The following HIVEP3 variants were observed in gnomAD, a reference collection of about 807,000 sequenced individuals.
HIVEP3 encodes the protein transcription factor HIVEP3.
A neutral mutation model predicts 152.8 loss-of-function variants in HIVEP3; 49 were observed. The observed-to-expected ratio is 0.32, with a 90% confidence interval of 0.26 to 0.41. HIVEP3 has a LOEUF of 0.41. Ranked by LOEUF, HIVEP3 falls within the 10% of genes least tolerant of loss-of-function variation. The pLI, the probability that HIVEP3 is intolerant of heterozygous loss-of-function variation, is 1.00. For missense variants in HIVEP3, 2,790 were observed against 3,103.3 expected, an observed-to-expected ratio of 0.90 and a Z score of 2.40; for synonymous variants, 1,269 against 1,289.0, an observed-to-expected ratio of 0.98 and a Z score of 0.33.
intron 1 of HIVEP3, among the ~76,000 whole-genome samples, chr1:41,936,439 T>C (rs1194052724): frequency 6.6e-6 from 1 of 152,214 alleles, no homozygotes; most frequent in Non-Finnish European, 1.5e-5. Flanking sequence ...AACACACCAC[T>C]GAGCTTTTGT....
intron 6 of HIVEP3, among the ~76,000 whole-genome samples, chr1:41,524,493 C>T (rs912648361): frequency 4.6e-5 from 7 of 152,112 alleles, no homozygotes; most frequent in African/African-American, 1.7e-4. Flanking sequence ...GGCCGGGTGG[C>T]CACAGGTGCA....
At chr1:41,523,206 G>A (rs1274329462) in intron 6 of HIVEP3, among the ~76,000 whole-genome samples, 1 of 152,256 alleles carries the variant, frequency 6.6e-6, no homozygotes, top group African/African-American at 2.4e-5. Flanking sequence ...AGTGCGGTTG[G>A]AGGGCGTGTC....
At chr1:41,550,514 T>C (rs933835854) in intron 5 of HIVEP3, among the ~76,000 whole-genome samples, 2 of 152,202 alleles carry the variant, frequency 1.3e-5, no homozygotes, top group Admixed American at 6.5e-5. Context: ...CATGAAATGG[T>C]CTTCCATTTG....
At position 41,724,887 on chromosome 1, in the gene HIVEP3, G is replaced by A. The variant is rs533410732; in HGVS notation, c.-800-23892C>T. Among the ~76,000 whole-genome samples, 284 of 152,368 alleles carry A rather than the reference G, an allele frequency of 1.9e-3. 1 individual carries two copies. Among genetic ancestry groups the A allele is most frequent in the African/African-American group, 6.7e-3 (279 of 41,586 alleles). The stretch of plus-strand genomic sequence containing the variant: ...TCCGGCTGGGGCTCAGCAGAAGCCT[G>A]TGAATGACTCCGGTTGTGCTCTCAC... On this transcript the variant is annotated intron_variant, in intron 1 of 8. Transcript: ENST00000372583.
At chr1:41,714,268 G>C (rs1227033234) in intron 1 of HIVEP3, among the ~76,000 whole-genome samples, 1 of 152,188 alleles carries the variant, frequency 6.6e-6, no homozygotes, top group Non-Finnish European at 1.5e-5. Flanking sequence ...AAAAGAGAGA[G>C]GGAGGTGGGG....
chr1:41,898,294 C>T (rs973918318), intron 1 of HIVEP3, among the ~76,000 whole-genome samples: 1 of 152,148 alleles, frequency 6.6e-6, no homozygotes, highest in African/African-American at 2.4e-5. Flanking sequence ...GCCAACAGGG[C>T]GGAAGGGAGG....
intron 3 of HIVEP3, among the ~76,000 whole-genome samples, chr1:41,614,609 T>G (rs1008147180): frequency 1.3e-5 from 2 of 152,220 alleles, no homozygotes; most frequent in Admixed American, 6.5e-5. Flanking sequence ...CTTGATTTAT[T>G]CCACAGTAGA....
intron 2 of HIVEP3, among the ~76,000 whole-genome samples, chr1:41,637,110 C>A (rs1044818338): frequency 3.9e-5 from 6 of 152,182 alleles, no homozygotes; most frequent in African/African-American, 7.2e-5. Context: ...AATCTTTTAA[C>A]CGTGTCTACC....
chr1:41,925,915 T>A (rs1197022829), intron 1 of HIVEP3, among the ~76,000 whole-genome samples: 1 of 152,104 alleles, frequency 6.6e-6, no homozygotes, highest in African/African-American at 2.4e-5. Context: ...GAAGAACAGG[T>A]TCTAGCCAAT....
chr1:41,704,793 G>A (rs1160264726), intron 1 of HIVEP3, among the ~76,000 whole-genome samples: 1 of 152,198 alleles, frequency 6.6e-6, no homozygotes, highest in Non-Finnish European at 1.5e-5. Flanking sequence ...AAAGGAAGCT[G>A]AACCATAGAG....
At chr1:41,988,654 G>A (rs1402390562) in intron 1 of HIVEP3, among the ~76,000 whole-genome samples, 1 of 152,064 alleles carries the variant, frequency 6.6e-6, no homozygotes, top group Non-Finnish European at 1.5e-5. Flanking sequence ...AAACCAGTAG[G>A]GAAGTTCCTC....
At chr1:41,529,444 C>A (rs544042579) in intron 5 of HIVEP3, among the ~76,000 whole-genome samples, 1 of 104,002 alleles carries the variant, frequency 9.6e-6, no homozygotes, top group Admixed American at 9.3e-5. Context: ...CATGCTCACA[C>A]CCCACACCCT....
chr1:42,009,260 T>C (rs116213003), intron 1 of HIVEP3, among the ~76,000 whole-genome samples: 1,879 of 152,336 alleles, frequency 0.012, 39 homozygotes, highest in African/African-American at 0.043. Context: ...TGAATCTACT[T>C]CCTATTTCTT....
chr1:41,925,553 G>A (rs1644963818), intron 1 of HIVEP3, among the ~76,000 whole-genome samples: 1 of 152,148 alleles, frequency 6.6e-6, no homozygotes, highest in East Asian at 1.9e-4. Context: ...GTTGGTCTTG[G>A]TATCTCAGGG....
chr1:41,726,935 A>G (rs1192509479), intron 1 of HIVEP3, among the ~76,000 whole-genome samples: 1 of 152,128 alleles, frequency 6.6e-6, no homozygotes, highest in Non-Finnish European at 1.5e-5. Context: ...AGAGGGCTGT[A>G]CATATGGACT....
intron 1 of HIVEP3, among the ~76,000 whole-genome samples, chr1:41,904,103 C>T (rs1009810255): frequency 6.6e-5 from 10 of 151,944 alleles, no homozygotes; most frequent in African/African-American, 2.4e-4. Flanking sequence ...TGCTACGTTG[C>T]CCAGGCTAAT....
rs1471811725 is a variant in HIVEP3 at position 41,584,502 on chromosome 1, G to C, written c.296C>G (p.Pro99Arg). ...AGGCGACATGAATGCTGGTGTCAGA[G>C]GGTGCTGCGGAAGCTGTGAGATGTG... Reference protein sequence around the residue: ...SVHISQLPQHPLTPAFMSPGK... With the variant: ...SVHISQLPQHRLTPAFMSPGK... The change falls in exon 4 of 9, where the codon CCT (proline) becomes CGT (arginine). Residue 99 changes from proline (P) to arginine (R), a missense_variant. Transcript: ENST00000372583. This position sits in a 1 kb window ranked among gnomAD's most constrained non-coding sequence, Gnocchi z 5.2. The C allele has an allele frequency of 1.2e-6, 2 of 1,614,088 alleles. No individual in the cohort carries two copies. Among genetic ancestry groups the C allele is most frequent in the Non-Finnish European group, 1.7e-6 (2 of 1,180,044 alleles).
At chr1:41,892,566 G>C (rs1263525819) in intron 1 of HIVEP3, among the ~76,000 whole-genome samples, 1 of 152,218 alleles carries the variant, frequency 6.6e-6, no homozygotes, top group African/African-American at 2.4e-5. Flanking sequence ...TGCTGAGTGA[G>C]GCAGTATCAT....
intron 1 of HIVEP3, among the ~76,000 whole-genome samples, chr1:41,974,486 T>TACGCACAC (rs1553139562): frequency 7.5e-6 from 1 of 134,202 alleles, no homozygotes; most frequent in African/African-American, 2.9e-5. Flanking sequence ...CTCCACCCCC[T>TACGCACAC]ACACACACAC....
Sources: allele counts gnomAD v4.1 joint callset (sites outside exome capture counted in the v4.1 genomes callset), GRCh38; gene constraint gnomAD v4.1.1; non-coding constraint Gnocchi (gnomAD v3.1); transcripts MANE v1.5; gene names NCBI Gene and HGNC (gene_info 2026-07-23, HGNC 2026-07-21).